The following ARHGAP26 variants were observed in gnomAD, a reference collection of about 807,000 sequenced individuals.
The protein encoded by ARHGAP26 is rho GTPase-activating protein 26.
A neutral mutation model predicts 104.8 loss-of-function variants in ARHGAP26; 38 were observed. That is an observed-to-expected ratio of 0.36 (90% CI 0.28 to 0.48). ARHGAP26 has a LOEUF of 0.48. Ranked by LOEUF, ARHGAP26 falls within the 20% of genes least tolerant of loss-of-function variation. ARHGAP26 has a pLI of 0.99. For synonymous variants in ARHGAP26, 341 were observed against 340.0 expected, an observed-to-expected ratio of 1.00 and a Z score of -0.03; for missense variants, 704 against 947.9, an observed-to-expected ratio of 0.74 and a Z score of 3.38.
intron 17 of ARHGAP26, among the ~76,000 whole-genome samples, chr5:143,105,378 A>AAAATAAAT (rs34365485): frequency 0.12 from 17,251 of 140,284 alleles, 1,162 homozygotes; most frequent in Non-Finnish European, 0.15. Context: ...CTCCATCTCA[A>AAAATAAAT]AAATAAATAA....
chr5:142,980,260 G>A (rs528250628), intron 11 of ARHGAP26, among the ~76,000 whole-genome samples: 42 of 152,230 alleles, frequency 2.8e-4, no homozygotes, highest in African/African-American at 8.9e-4. Context: ...AAAGCATTTC[G>A]TTGTACAGAA....
intron 11 of ARHGAP26, among the ~76,000 whole-genome samples, chr5:142,991,459 C>T (rs937709480): frequency 6.6e-6 from 1 of 152,188 alleles, no homozygotes; most frequent in Non-Finnish European, 1.5e-5. Context: ...CCATGGGCTG[C>T]ACCCACTGTC....
intron 1 of ARHGAP26, among the ~76,000 whole-genome samples, chr5:142,843,623 C>T (rs1362339496): frequency 6.6e-6 from 1 of 152,156 alleles, no homozygotes; most frequent in Non-Finnish European, 1.5e-5. Context: ...TACCACTACA[C>T]TTCCTTATGG....
intron 1 of ARHGAP26, chr5:142,771,483 G>T: frequency 9.0e-7 from 1 of 1,112,334 alleles, no homozygotes; most frequent in Non-Finnish European, 1.1e-6. Flanking sequence ...AGTATTGGCA[G>T]CCAGTAATCT....
chr5:142,958,922 A>G (rs201531042), intron 11 of ARHGAP26, among the ~76,000 whole-genome samples: 2 of 147,418 alleles, frequency 1.4e-5, no homozygotes, highest in East Asian at 2.0e-4. Context: ...AAAAAAAAGA[A>G]AAAAAAAAAG....
At chr5:143,134,484 C>G (rs896976383) in intron 19 of ARHGAP26, among the ~76,000 whole-genome samples, 1 of 152,044 alleles carries the variant, frequency 6.6e-6, no homozygotes, top group Admixed American at 6.6e-5. Flanking sequence ...AATGAAATAC[C>G]CATTAGTGTG....
At chr5:143,180,624 T>C (rs1314833327) in intron 20 of ARHGAP26, among the ~76,000 whole-genome samples, 1 of 152,070 alleles carries the variant, frequency 6.6e-6, no homozygotes, top group Non-Finnish European at 1.5e-5. Context: ...AGAAGAGACA[T>C]GTCTTATATG....
chr5:143,100,014 T>G (rs934740308), intron 17 of ARHGAP26, among the ~76,000 whole-genome samples: 1 of 152,178 alleles, frequency 6.6e-6, no homozygotes, highest in Non-Finnish European at 1.5e-5. Context: ...GGAAAATAAC[T>G]TCAGACAATT....
rs1793448703 is a variant in ARHGAP26, at chr5:143,102,817, A to G, written c.1539-18171A>G. Among the ~76,000 whole-genome samples, 4 of 152,132 alleles carry G rather than the reference A, an allele frequency of 2.6e-5. No individual in the cohort carries two copies. The South Asian group carries it at 6.2e-4, about 24-fold the overall frequency. On this transcript the variant is annotated intron_variant, in intron 17 of 22. Transcript: ENST00000645722. ...CATTGTGCTTTGTACAGCCCTTGAT[A>G]ATTTTCAGTACTTTTTTCACCTCCC...
At chr5:143,206,447 C>G (rs892531630) in intron 20 of ARHGAP26, among the ~76,000 whole-genome samples, 3 of 152,242 alleles carry the variant, frequency 2.0e-5, no homozygotes, top group Non-Finnish European at 4.4e-5. Flanking sequence ...GATTAGCTAC[C>G]CGTCAAGGAA....
chr5:143,014,581 T>G (rs1779338367), intron 12 of ARHGAP26, among the ~76,000 whole-genome samples: 2 of 152,184 alleles, frequency 1.3e-5, no homozygotes, highest in Non-Finnish European at 2.9e-5. Context: ...TTCTTTGTGG[T>G]CTCTTGTGGG....
At chr5:143,190,161 G>C (rs1805736820) in intron 20 of ARHGAP26, among the ~76,000 whole-genome samples, 3 of 152,150 alleles carry the variant, frequency 2.0e-5, no homozygotes, top group Admixed American at 1.3e-4. Context: ...TCCTTGGTAA[G>C]AGCAGAGCTC....
rs113597612 is a variant in ARHGAP26, at chr5:142,912,354, T to C, written c.934-845T>C. ...TCCATTTATATAAAATTATAGACTA[T>C]GCAAACTAATCAATAGTTACAGAAA... On this transcript the variant is annotated intron_variant, in intron 9 of 22. Transcript: ENST00000645722. Among the ~76,000 whole-genome samples the C allele has an allele frequency of 3.8e-3, 585 of 152,308 alleles. 4 individuals are homozygous for C. Among genetic ancestry groups the C allele is most frequent in the African/African-American group, 0.013 (554 of 41,560 alleles).
At chr5:143,162,597 A>G (rs1233199683) in intron 20 of ARHGAP26, among the ~76,000 whole-genome samples, 1 of 152,226 alleles carries the variant, frequency 6.6e-6, no homozygotes, top group South Asian at 2.1e-4. Context: ...ATTTCATTTC[A>G]TATGAGGAAA....
intron 8 of ARHGAP26, among the ~76,000 whole-genome samples, chr5:142,904,354 G>A (rs1760796449): frequency 6.6e-6 from 1 of 152,004 alleles, no homozygotes; most frequent in African/African-American, 2.4e-5. Context: ...GCCAGGTGTG[G>A]TGGTGTGCAC....
intron 1 of ARHGAP26, among the ~76,000 whole-genome samples, chr5:142,796,335 T>C (rs1024287963): frequency 1.3e-5 from 2 of 152,226 alleles, no homozygotes; most frequent in African/African-American, 4.8e-5. Context: ...TTTGAGCAAA[T>C]TATTTAATCT....
intron 17 of ARHGAP26, among the ~76,000 whole-genome samples, chr5:143,115,574 A>C (rs1795339865): frequency 6.6e-6 from 1 of 151,992 alleles, no homozygotes; most frequent in Non-Finnish European, 1.5e-5. Flanking sequence ...GAAACTACCA[A>C]CTAACAGTGT....
In ARHGAP26 at chr5:143,227,248, C is replaced by T. The variant is rs909019007; in HGVS notation, c.*4802C>T. The T allele has an allele frequency of 4.4e-5, 10 of 229,148 alleles. No homozygotes were observed. The highest frequency in any genetic ancestry group is 8.9e-5 in the African/African-American group (4 of 45,102). The allele number at this position is 229,148 out of a possible 1,614,324, so 14.2% of individuals were successfully genotyped here. A position where few individuals can be genotyped will look rare whatever the true frequency, so the allele number is the denominator to read the frequency against. ...CCATGTTCCCCAAGTAGGTAGCCAG[C>T]GCTGCAGAAACCAAACAGCCTCTTA... is the stretch of plus-strand genomic sequence containing the variant. On this transcript the variant is annotated 3_prime_UTR_variant, in exon 23 of 23. Coordinates refer to ENST00000645722, the MANE Select transcript of ARHGAP26 (RefSeq NM_001135608.3).
intron 17 of ARHGAP26, among the ~76,000 whole-genome samples, chr5:143,070,470 G>A (rs1788081443): frequency 6.6e-6 from 1 of 152,188 alleles, no homozygotes; most frequent in Admixed American, 6.5e-5. Context: ...TTCTACAAGA[G>A]AAACTACAAA....
Sources: allele counts gnomAD v4.1 joint callset (sites outside exome capture counted in the v4.1 genomes callset), GRCh38; gene constraint gnomAD v4.1.1; transcripts MANE v1.5; gene names NCBI Gene and HGNC (gene_info 2026-07-23, HGNC 2026-07-21).